OPCML: variants seen among roughly 807,000 people sequenced by gnomAD.
OPCML encodes the protein opioid-binding protein/cell adhesion molecule.
In OPCML, 13 loss-of-function variants were observed where a neutral mutation model predicts 37.8. That is an observed-to-expected ratio of 0.34 (90% CI 0.22 to 0.55). The LOEUF is 0.55. Among genes scored for constraint, OPCML ranks in the 20% least tolerant of loss-of-function variants. The pLI, the probability that OPCML is intolerant of heterozygous loss-of-function variation, is 0.91. For synonymous variants in OPCML, 176 were observed against 168.8 expected (o/e 1.04, Z -0.33); for missense variants, 341 against 435.6 (o/e 0.78, Z 1.93).
Position 133,137,272 on chromosome 11 carries a change from G to C in OPCML, c.62-194262C>G, listed in dbSNP as rs141241681. Among the ~76,000 whole-genome samples the C allele has an allele frequency of 2.5e-3, 378 of 152,300 alleles. 2 individuals carry two copies. Among genetic ancestry groups the C allele is most frequent in the African/African-American group, 7.6e-3 (317 of 41,560 alleles). ...CTGCATTCACTCTTTTGGAAGGCTG[G>C]TGAATGATCTTTGGAGATTTGTGTG... On this transcript the variant is annotated intron_variant, in intron 1 of 7. Transcript: ENST00000524381.
At chr11:132,522,419 C>CA (rs1010221699) in intron 4 of OPCML, among the ~76,000 whole-genome samples, 4 of 152,136 alleles carry the variant, frequency 2.6e-5, no homozygotes, top group African/African-American at 9.7e-5. Flanking sequence ...AGTTAAAACA[C>CA]AAAAAATGTA....
intron 1 of OPCML, among the ~76,000 whole-genome samples, chr11:133,462,583 C>A (rs1039793905): frequency 6.2e-5 from 9 of 145,140 alleles, no homozygotes; most frequent in Non-Finnish European, 1.3e-4. Flanking sequence ...TGAAAAGATG[C>A]TCAACATGCT....
intron 3 of OPCML, among the ~76,000 whole-genome samples, chr11:132,582,546 G>A (rs533688271): frequency 6.6e-6 from 1 of 152,210 alleles, no homozygotes; most frequent in African/African-American, 2.4e-5. Flanking sequence ...ATAACCTATA[G>A]TAAGGCTAAT....
At chr11:132,435,973 G>A in intron 7 of OPCML, 113 bp downstream of exon 7, 1 of 1,002,722 alleles carries the variant, frequency 1.0e-6, no homozygotes, top group Non-Finnish European at 1.4e-6. Context: ...ACAGGTGGTG[G>A]GTTGAGTAGG....
chr11:133,254,699 A>G (rs1318597970), intron 1 of OPCML, among the ~76,000 whole-genome samples: 1 of 152,134 alleles, frequency 6.6e-6, no homozygotes, highest in Admixed American at 6.5e-5. Flanking sequence ...AGAGGAGTCA[A>G]AGATAAATGG....
rs115515158 is a variant in OPCML at position 132,980,770 on chromosome 11, C to T, written c.62-37760G>A. Among the ~76,000 whole-genome samples the T allele has an allele frequency of 4.6e-3, 700 of 152,324 alleles. 4 individuals are homozygous for T. The highest frequency in any genetic ancestry group is 0.015 in the African/African-American group (608 of 41,580). On this transcript the variant is annotated intron_variant, in intron 1 of 7. Transcript: ENST00000524381. ...CAAAGTCCATTTGGAACTAGAACAA[C>T]GGGCCCAAGGGTTTCCCTTCAATTA...
chr11:133,460,439 T>G (rs2136983564), intron 1 of OPCML, among the ~76,000 whole-genome samples: 1 of 151,884 alleles, frequency 6.6e-6, no homozygotes, highest in East Asian at 1.9e-4. Context: ...TTAAAAAACA[T>G]TAGCAACATT....
chr11:133,328,873 G>C (rs926621785), intron 1 of OPCML, among the ~76,000 whole-genome samples: 1 of 152,088 alleles, frequency 6.6e-6, no homozygotes, highest in Non-Finnish European at 1.5e-5. Flanking sequence ...TATTCAATTA[G>C]GAAAAGAGGA....
intron 1 of OPCML, among the ~76,000 whole-genome samples, chr11:133,413,927 G>T (rs1349084028): frequency 6.6e-6 from 1 of 152,170 alleles, no homozygotes; most frequent in African/African-American, 2.4e-5. Context: ...GAGCACTGCA[G>T]TCCCTGGAGG....
At chr11:133,007,388 G>T (rs1947132809) in intron 1 of OPCML, 1 of 985,396 alleles carries the variant, frequency 1.0e-6, no homozygotes, top group South Asian at 4.7e-5. Flanking sequence ...CAGATACTTG[G>T]TGCTTATCGC....
chr11:132,743,698 C>T (rs1945512721), intron 2 of OPCML, among the ~76,000 whole-genome samples: 1 of 152,218 alleles, frequency 6.6e-6, no homozygotes, highest in Non-Finnish European at 1.5e-5. Flanking sequence ...GCTGGTGTCA[C>T]ATTTTACACC....
At chr11:132,840,137 T>C (rs189554899) in intron 2 of OPCML, among the ~76,000 whole-genome samples, 4 of 152,038 alleles carry the variant, frequency 2.6e-5, no homozygotes, top group Admixed American at 2.6e-4. Flanking sequence ...CAATTTAGGA[T>C]AAGAAGGGAC....
chr11:132,839,279 C>A (rs1050356404), intron 2 of OPCML, among the ~76,000 whole-genome samples: 1 of 152,132 alleles, frequency 6.6e-6, no homozygotes, highest in African/African-American at 2.4e-5. Flanking sequence ...GCCCCACTCA[C>A]GGGCTGCATG....
At chr11:132,631,242 A>G (rs1048248862) in intron 3 of OPCML, among the ~76,000 whole-genome samples, 142 of 151,746 alleles carry the variant, frequency 9.4e-4, no homozygotes, top group African/African-American at 3.4e-3. Context: ...TATTGAGTAT[A>G]TAAACTTTTC....
chr11:132,953,185 GTTT>G (rs1945899584), intron 1 of OPCML, among the ~76,000 whole-genome samples: 1 of 152,126 alleles, frequency 6.6e-6, no homozygotes, highest in Non-Finnish European at 1.5e-5. Flanking sequence ...CGAGAACAGA[GTTT>G]TTATTTTGCT....
chr11:132,827,079 G>A (rs1940392845), intron 2 of OPCML, among the ~76,000 whole-genome samples: 1 of 152,178 alleles, frequency 6.6e-6, no homozygotes, highest in Non-Finnish European at 1.5e-5. Flanking sequence ...TTTAAGAACA[G>A]AAAGTTGCCT....
intron 3 of OPCML, among the ~76,000 whole-genome samples, chr11:132,549,998 C>A (rs2096377808): frequency 6.6e-6 from 1 of 152,160 alleles, no homozygotes; most frequent in East Asian, 1.9e-4. Flanking sequence ...AGGGTATATA[C>A]CCCAGACAAC....
At chr11:133,091,639 C>T (rs1246063654) in intron 1 of OPCML, among the ~76,000 whole-genome samples, 4 of 152,116 alleles carry the variant, frequency 2.6e-5, no homozygotes, top group Admixed American at 6.5e-5. Flanking sequence ...GACCTACTAC[C>T]CTTTATTTCC....
intron 1 of OPCML, among the ~76,000 whole-genome samples, chr11:133,468,892 GA>G (rs201455520): frequency 7.4e-6 from 1 of 134,782 alleles, no homozygotes; most frequent in African/African-American, 3.4e-5. Context: ...GAATATTATG[GA>G]AAAAAACAAT....
Sources: gnomAD v4.1 joint callset for allele counts (sites outside exome capture counted in the v4.1 genomes callset) on GRCh38, gnomAD v4.1.1 for gene constraint, MANE v1.5 for transcripts, NCBI Gene and HGNC (gene_info 2026-07-23, HGNC 2026-07-21) for gene names.